IFT172: variants seen among roughly 807,000 people sequenced by gnomAD.
IFT172 encodes intraflagellar transport protein 172 homolog.
IFT172 carries 164 observed loss-of-function variants against 248.9 expected under a neutral mutation model. The observed-to-expected ratio is 0.66, with a 90% CI of 0.58 to 0.75. The LOEUF (loss-of-function observed/expected upper bound fraction) is 0.75. IFT172 is among the 30% of genes least tolerant of loss of function. IFT172 has a pLI of 0.00. For synonymous variants in IFT172, 729 were observed against 791.6 expected, an observed-to-expected ratio of 0.92 and a Z score of 1.33; for missense variants, 1,950 against 2,192.4, an observed-to-expected ratio of 0.89 and a Z score of 2.21.
chr2:27,452,891 A>G (rs1484508666), intron 35 of IFT172, among the ~76,000 whole-genome samples: 1 of 152,186 alleles, frequency 6.6e-6, no homozygotes, highest in East Asian at 1.9e-4. Flanking sequence ...ATTATTTGTG[A>G]CACATACTGG....
At chr2:27,453,899 T>C in intron 33 of IFT172, 83 bp downstream of exon 33, 1 of 1,465,604 alleles carries the variant, frequency 6.8e-7, no homozygotes, top group Non-Finnish European at 9.3e-7. Flanking sequence ...CTGATCTTTC[T>C]TCATACCAGG....
At chr2:27,481,423 TGTCAC>T (rs1179335934) in intron 7 of IFT172, among the ~76,000 whole-genome samples, 163 bp from the exon 8 acceptor site, 10 of 146,048 alleles carry the variant, frequency 6.8e-5, no homozygotes, top group African/African-American at 2.6e-4. Flanking sequence ...CTTCACAAAT[TGTCAC>T]ACACACACAC....
At chr2:27,479,027 CAG>C (rs1326497068) in intron 10 of IFT172, among the ~76,000 whole-genome samples, 5 of 152,132 alleles carry the variant, frequency 3.3e-5, no homozygotes, top group African/African-American at 1.2e-4. Flanking sequence ...TTTTTTGAGA[CAG>C]AGTCTTGCTC....
intron 33 of IFT172, 61 bp from the exon 34 acceptor site, chr2:27,453,800 A>G (rs1166371614): frequency 6.7e-7 from 1 of 1,495,736 alleles, no homozygotes; most frequent in Non-Finnish European, 9.2e-7. Flanking sequence ...CCACTGCCAC[A>G]CAGGTACTCT....
intron 16 of IFT172, among the ~76,000 whole-genome samples, chr2:27,469,348 G>A (rs1667377963): frequency 6.6e-6 from 1 of 151,822 alleles, no homozygotes; most frequent in Non-Finnish European, 1.5e-5. Context: ...AGCCAAGATT[G>A]TGCCACTGTA....
chr2:27,444,586 C>T (rs532172685), intron 47 of IFT172, 65 bp from the exon 48 acceptor site: 35 of 1,299,432 alleles, frequency 2.7e-5, no homozygotes, highest in Admixed American at 7.4e-5. Flanking sequence ...TCAGCTCCAT[C>T]GCAGGCTTCA....
intron 33 of IFT172, 31 bp downstream of exon 33, chr2:27,453,951 T>G: frequency 6.3e-7 from 1 of 1,584,576 alleles, no homozygotes; most frequent in Non-Finnish European, 8.6e-7. Context: ...ACTCTCCCCC[T>G]CCCCTCATGG....
intron 18 of IFT172, among the ~76,000 whole-genome samples, chr2:27,463,933 C>G (rs1306136243): frequency 6.6e-6 from 1 of 152,068 alleles, no homozygotes; most frequent in Non-Finnish European, 1.5e-5. Flanking sequence ...TAAGGCCACA[C>G]AAGGAGTTTG....
intron 14 of IFT172, among the ~76,000 whole-genome samples, chr2:27,473,876 C>T (rs894704878): frequency 6.6e-6 from 1 of 151,470 alleles, no homozygotes; most frequent in Non-Finnish European, 1.5e-5. Context: ...GGCACGATCT[C>T]GGCTCACTGT....
intron 33 of IFT172, 44 bp downstream of exon 33, chr2:27,453,938 C>T: frequency 6.4e-7 from 1 of 1,572,644 alleles, no homozygotes; most frequent in Non-Finnish European, 8.6e-7. Flanking sequence ...TGGGCTCTTA[C>T]AAACTCTCCC....
chr2:27,473,369 CAAAAAAAAAA>C (rs567775832), intron 14 of IFT172, among the ~76,000 whole-genome samples: 2 of 54,452 alleles, frequency 3.7e-5, no homozygotes, highest in East Asian at 6.3e-4. Flanking sequence ...GACTCTGTCT[CAAAAAAAAAA>C]AAAAAAAAAG....
intron 18 of IFT172, 45 bp from the exon 19 acceptor site, chr2:27,463,226 A>G: frequency 6.6e-7 from 1 of 1,521,140 alleles, no homozygotes; most frequent in Non-Finnish European, 9.1e-7. Flanking sequence ...TTATTATAGA[A>G]TCATCATTAA....
At chr2:27,456,075 G>A (rs1200581725) in intron 30 of IFT172, among the ~76,000 whole-genome samples, 1 of 152,058 alleles carries the variant, frequency 6.6e-6, no homozygotes, top group Non-Finnish European at 1.5e-5. Context: ...AGATGGGCGT[G>A]GTGGTGCATG....
At chr2:27,470,752 G>C (rs767228227) in intron 16 of IFT172, 176 bp downstream of exon 16, 72 of 553,886 alleles carry the variant, frequency 1.3e-4, no homozygotes, top group Non-Finnish European at 1.8e-4. Context: ...ATAATGTCAG[G>C]AATCTGAAAA....
chr2:27,477,532 G>A (rs370167090), intron 12 of IFT172, 27 bp downstream of exon 12: 13 of 1,528,224 alleles, frequency 8.5e-6, no homozygotes, highest in Non-Finnish European at 1.2e-5. Flanking sequence ...TTATCAAGAT[G>A]GTGATGGTGA....
At position 27,477,203 on chromosome 2, in the gene IFT172, T is replaced by C; in HGVS notation, c.1325+14A>G. 6.2e-7 allele frequency: 1 copy of C among 1,602,382 alleles called. No homozygotes were observed. The highest frequency in any genetic ancestry group is 8.6e-7 in the Non-Finnish European group (1 of 1,169,342). On this transcript the variant is annotated intron_variant, in intron 13 of 47. Transcript: ENST00000260570. The stretch of plus-strand genomic sequence containing the variant: ...TTCTGGGTTTCAGGGATTCAGAGAA[T>C]CTTGTGAGGTTACCTGATGAGGTGG...
In IFT172 at chr2:27,448,990, AG is replaced by A; in HGVS notation, c.4352del (p.Thr1451IlefsTer3). On this transcript the variant is annotated frameshift_variant, in exon 40 of 48. Transcript: ENST00000260570. LOFTEE classifies it high-confidence loss of function. ...ILHKYVALYA[T>X]HLIREGSSAQ... is the part of the protein sequence containing the mutation. ...CAGAGCTACCCTCCCGGATCAAGTG[AG>A]TTGCATACAAAGCCACATACTTGTG... 6.2e-7 allele frequency: 1 copy of A among 1,611,424 alleles called. No homozygotes were observed. Among genetic ancestry groups the A allele is most frequent in the Non-Finnish European group, 8.5e-7 (1 of 1,177,574 alleles).
rs1183862552 is a variant in IFT172, at chr2:27,456,588, C to A, written c.3294G>T (p.Leu1098=). The A allele has an allele frequency of 6.2e-7, 1 of 1,614,216 alleles. No individual in the cohort carries two copies. The highest frequency in any genetic ancestry group is 1.7e-5 in the Admixed American group (1 of 60,022). Residue 1098 remains leucine (L), a synonymous_variant, in exon 30 of 48, where the codon CTG becomes CTT. Transcript: ENST00000260570. ...GCAGTCTAACTGCAGCCTCTCCTCC[C>A]AGGCTCTTTGCCCACAGATAGGCCA... ...KHVAYLWAKS[L]GGEAAVRLLN... is the part of the protein sequence containing the mutation.
At chr2:27,484,796 C>G (rs1004125927) in intron 3 of IFT172, among the ~76,000 whole-genome samples, 5 of 152,274 alleles carry the variant, frequency 3.3e-5, no homozygotes, top group Middle Eastern at 3.4e-3. Flanking sequence ...TCCAGGATCT[C>G]ACAGGGCCTC....
Sources: allele counts gnomAD v4.1 joint callset (sites outside exome capture counted in the v4.1 genomes callset), GRCh38; gene constraint gnomAD v4.1.1; transcripts MANE v1.5; gene names NCBI Gene and HGNC (gene_info 2026-07-23, HGNC 2026-07-21).